Variants in CEP350 observed in about 807,000 individuals in gnomAD.
The protein encoded by CEP350 is centrosomal protein 350, also known as centrosome-associated protein 350.
A neutral mutation model predicts 331.8 loss-of-function variants in CEP350; 126 were observed. The ratio of observed to expected loss-of-function variants is 0.38; its 90% CI spans 0.33 to 0.44. The LOEUF (loss-of-function observed/expected upper bound fraction) is 0.44, where lower values mean the gene tolerates loss of function less well. Ranked by LOEUF, CEP350 falls within the 20% of genes least tolerant of loss-of-function variation. The probability of loss-of-function intolerance (pLI) is 1.00; values close to 1 mark genes in which losing one functional copy is unlikely to be tolerated. For synonymous variants in CEP350, 1,200 were observed against 1,259.5 expected (o/e 0.95, Z 1.00); for missense variants, 3,406 against 3,634.6 (o/e 0.94, Z 1.62).
intron 4 of CEP350, among the ~76,000 whole-genome samples, chr1:179,991,314 C>CTTTTTTTTTTTT (rs748309168): frequency 9.1e-6 from 1 of 109,396 alleles, no homozygotes; most frequent in African/African-American, 3.3e-5. Context: ...TCTTTCTTTT[C>CTTTTTTTTTTTT]TTTTTTTTTT....
At position 180,095,776 on chromosome 1, in the gene CEP350, A is replaced by T. The variant is rs1274727692; in HGVS notation, c.8765A>T (p.Glu2922Val). The T allele has an allele frequency of 4.3e-6, 7 of 1,614,010 alleles. No individual in the cohort carries two copies. The South Asian group carries it at 6.6e-5, about 15-fold the overall frequency. Residue 2922 changes from glutamate to valine, a missense_variant, in exon 35 of 38, where the codon GAA (glutamate) becomes GTA (valine). Glu to Val is a moderately radical substitution (Grantham distance 121, BLOSUM62 -2). Transcript: ENST00000367607. Reference sequence around the variant, plus strand: ...TTGGCAGTCCCCCATACTGCAGAAGAAGTAGAGATTCTTGTACATAATGCA... The same window carrying T: ...TTGGCAGTCCCCCATACTGCAGAAGTAGTAGAGATTCTTGTACATAATGCA... Reference protein sequence around the residue: ...TLLAVPHTAEEVEILVHNAAE... With the variant: ...TLLAVPHTAEVVEILVHNAAE...
chr1:179,991,755 G>C, intron 4 of CEP350, among the ~76,000 whole-genome samples: 1 of 136,038 alleles, frequency 7.4e-6, no homozygotes, highest in African/African-American at 2.7e-5. Context: ...AGTTTGTTAG[G>C]TTGTATATGA....
intron 37 of CEP350, among the ~76,000 whole-genome samples, chr1:180,105,693 G>A (rs1211212288): frequency 1.3e-5 from 2 of 152,050 alleles, no homozygotes; most frequent in Non-Finnish European, 2.9e-5. Flanking sequence ...TATTGATTGT[G>A]TATGCAATAA....
At chr1:179,978,938 T>C (rs1209128509) in intron 1 of CEP350, among the ~76,000 whole-genome samples, 1 of 152,132 alleles carries the variant, frequency 6.6e-6, no homozygotes, top group Non-Finnish European at 1.5e-5. Context: ...AGACAGGATA[T>C]AGTTCCATAT....
chr1:180,109,648 G>T (rs1007441329), intron 37 of CEP350, among the ~76,000 whole-genome samples: 14 of 151,396 alleles, frequency 9.2e-5, no homozygotes, highest in Non-Finnish European at 1.5e-4. Context: ...TTGTTTGTTT[G>T]TTTTTTAGAC....
chr1:180,074,412 C>T (rs1659092570), intron 27 of CEP350, among the ~76,000 whole-genome samples: 1 of 152,132 alleles, frequency 6.6e-6, no homozygotes, highest in South Asian at 2.1e-4. Flanking sequence ...AAGACATGGA[C>T]TGTGGTACTC....
chr1:179,955,338 C>T (rs1406151834), intron 1 of CEP350, among the ~76,000 whole-genome samples, 196 bp downstream of exon 1: 4 of 152,212 alleles, frequency 2.6e-5, no homozygotes, highest in African/African-American at 9.6e-5. Flanking sequence ...CGGGTCCCAC[C>T]AGTGCCTGCT....
chr1:179,962,440 C>T (rs917225609), intron 1 of CEP350, among the ~76,000 whole-genome samples: 4 of 151,986 alleles, frequency 2.6e-5, no homozygotes, highest in African/African-American at 9.7e-5. Context: ...GGCAGAGTCT[C>T]GCTCTGTTGC....
At position 180,014,242 on chromosome 1, in the gene CEP350, C is replaced by G; in HGVS notation, c.1789C>G (p.Arg597Gly). 6.2e-7 allele frequency: 1 copy of G among 1,609,670 alleles called. No individual in the cohort carries two copies. Among genetic ancestry groups the G allele is most frequent in the Non-Finnish European group, 8.5e-7 (1 of 1,178,142 alleles). Residue 597 changes from arginine to glycine, a missense_variant, in exon 10 of 38, where the codon CGA (arginine) becomes GGA (glycine). This residue lies in a region of CEP350 where 1,857 missense variants were observed against 1,909.2 expected (regional missense o/e 0.97). Coordinates refer to ENST00000367607, the MANE Select transcript of CEP350 (RefSeq NM_014810.5). ...GCGCCACTATGACACAGATGAGGTA[C>G]GACAGTACATTGTTAGGCAGCAGGA... ...KRRHYDTDEV[R>G]QYIVRQQEER...
chr1:179,967,277 GC>G (rs1344592936), intron 1 of CEP350, among the ~76,000 whole-genome samples: 1 of 152,040 alleles, frequency 6.6e-6, no homozygotes, highest in African/African-American at 2.4e-5. Flanking sequence ...TTTTTAAAAA[GC>G]CATTTATAGT....
intron 14 of CEP350, 62 bp downstream of exon 14, chr1:180,024,644 A>G: frequency 6.6e-7 from 1 of 1,512,634 alleles, no homozygotes; most frequent in Non-Finnish European, 8.8e-7. Context: ...AGTAATCTAA[A>G]GTTATGATTT....
chr1:179,973,411 C>A (rs966643179), intron 1 of CEP350, among the ~76,000 whole-genome samples: 1 of 152,148 alleles, frequency 6.6e-6, no homozygotes, highest in African/African-American at 2.4e-5. Flanking sequence ...ATCTAGATGG[C>A]AGTGTTTTCA....
Position 179,992,236 on chromosome 1 carries a change from A to C in CEP350, c.395+15A>C. 6.9e-7 allele frequency: 1 copy of C among 1,453,864 alleles called. No individual in the cohort carries two copies. Among genetic ancestry groups the C allele is most frequent in the Non-Finnish European group, 9.0e-7 (1 of 1,110,424 alleles). 90.1% of individuals were successfully genotyped at this position (1,453,864 alleles called of 1,614,324 possible). A position where few individuals can be genotyped will look rare whatever the true frequency, so the allele number is the denominator to read the frequency against. ...GTTTCTTATAGGTTAGTATTGAGAAAAAAAAAAGGTATCAAATAGGTTTAG... is the reference window on the plus strand; with the variant it reads ...GTTTCTTATAGGTTAGTATTGAGAACAAAAAAAGGTATCAAATAGGTTTAG... On this transcript the variant is annotated intron_variant, in intron 5 of 37. Coordinates refer to ENST00000367607, the MANE Select transcript of CEP350 (RefSeq NM_014810.5).
intron 1 of CEP350, among the ~76,000 whole-genome samples, chr1:179,965,983 A>T (rs940690488): frequency 6.6e-6 from 1 of 152,098 alleles, no homozygotes; most frequent in African/African-American, 2.4e-5. Flanking sequence ...TAAGTTCAGG[A>T]TGGAGCCCAT....
chr1:179,991,920 AACTAGAGAT>A (rs1434324070), intron 4 of CEP350, 133 bp from the exon 5 acceptor site: 8 of 698,970 alleles, frequency 1.1e-5, no homozygotes, highest in Non-Finnish European at 1.5e-5. Context: ...TATAATATCC[AACTAGAGAT>A]ACTAGAGATA....
chr1:180,010,674 G>A (rs1029338640), intron 8 of CEP350, among the ~76,000 whole-genome samples: 3 of 150,748 alleles, frequency 2.0e-5, no homozygotes, highest in African/African-American at 7.3e-5. Context: ...TGATCATAGC[G>A]GACTGCATCC....
chr1:179,961,117 T>C (rs1261345589), intron 1 of CEP350, among the ~76,000 whole-genome samples: 3 of 152,198 alleles, frequency 2.0e-5, no homozygotes, highest in East Asian at 3.8e-4. Flanking sequence ...ATACATATAA[T>C]GAATCAAAAG....
chr1:180,049,694 C>T (rs191665092), intron 22 of CEP350, among the ~76,000 whole-genome samples: 2 of 152,204 alleles, frequency 1.3e-5, no homozygotes, highest in Admixed American at 6.5e-5. Context: ...CAGGCACGCA[C>T]CACAACACCT....
chr1:179,966,725 A>G (rs1651043135), intron 1 of CEP350, among the ~76,000 whole-genome samples: 1 of 152,224 alleles, frequency 6.6e-6, no homozygotes, highest in Non-Finnish European at 1.5e-5. Flanking sequence ...AGTTAGATAC[A>G]GTTGGATCCT....
Sources: allele counts gnomAD v4.1 joint callset (sites outside exome capture counted in the v4.1 genomes callset), GRCh38; gene constraint gnomAD v4.1.1; regional missense constraint gnomAD v4.1.1; transcripts MANE v1.5; gene names NCBI Gene and HGNC (gene_info 2026-07-23, HGNC 2026-07-21).